The following ERBB4 variants were observed in gnomAD, a reference collection of about 807,000 sequenced individuals.
The protein encoded by ERBB4 is erb-b2 receptor tyrosine kinase 4.
Under a neutral mutation model 158.0 loss-of-function variants are expected in ERBB4, and 42 were observed. That is an observed-to-expected ratio of 0.27 (90% confidence interval 0.21 to 0.34). The LOEUF (loss-of-function observed/expected upper bound fraction) is 0.34. Among genes scored for constraint, ERBB4 ranks in the 10% least tolerant of loss-of-function variants. The pLI is 1.00. For synonymous variants in ERBB4, 583 were observed against 558.7 expected (o/e 1.04, Z -0.61); for missense variants, 1,333 against 1,624.1 (o/e 0.82, Z 3.08).
chr2:211,387,846 C>T, intron 26 of ERBB4, 99 bp downstream of exon 26: 1 of 957,186 alleles, frequency 1.0e-6, no homozygotes, highest in Non-Finnish European at 1.7e-6. Flanking sequence ...TCACTGTTGG[C>T]AAAGGCAAAA....
rs527777954 is a variant in ERBB4 at position 211,381,175 on chromosome 2, G to C, written c.*2440C>G. The C allele has an allele frequency of 1.9e-4, 44 of 232,194 alleles. No homozygotes were observed. The highest frequency in any genetic ancestry group is 9.5e-4 in the African/African-American group (43 of 45,360). The allele number at this position is 232,194 out of a possible 1,614,324, so 14.4% of individuals were successfully genotyped here. A position where few individuals can be genotyped will look rare whatever the true frequency, so the allele number is the denominator to read the frequency against. ...GTTTGAGGGTGAACTTCACTAGAAG[G>C]AATCTCACAAACCCTTCTCCTGCTC... On this transcript the variant is annotated 3_prime_UTR_variant, in exon 28 of 28. Coordinates refer to ENST00000342788, the MANE Select transcript of ERBB4 (RefSeq NM_005235.3).
chr2:211,694,267 A>G (rs972810752), intron 12 of ERBB4, among the ~76,000 whole-genome samples: 1 of 152,166 alleles, frequency 6.6e-6, no homozygotes, highest in Non-Finnish European at 1.5e-5. Context: ...TTTAATAATT[A>G]TAAGTTTTAC....
intron 2 of ERBB4, among the ~76,000 whole-genome samples, chr2:211,987,006 G>C (rs1372837273): frequency 1.3e-5 from 2 of 152,060 alleles, no homozygotes; most frequent in African/African-American, 4.8e-5. Context: ...TAAGATACTA[G>C]TTCCAGTCAT....
chr2:211,383,469 C>T lies in ERBB4; in HGVS notation c.*146G>A, dbSNP rs1016697186. The T allele has an allele frequency of 2.6e-5, 18 of 685,442 alleles. No individual in the cohort carries two copies. The highest frequency in any genetic ancestry group is 4.1e-5 in the Non-Finnish European group (16 of 385,612). 42.5% of individuals were successfully genotyped at this position (685,442 alleles called of 1,614,324 possible). On this transcript the variant is annotated 3_prime_UTR_variant, in exon 28 of 28. Transcript: ENST00000342788. Reference sequence around the variant, plus strand: ...CTCTAATGTTCAAGTTAGGTAAGCACATAACTATCATTGCATCTCTGTATC... The same window carrying T: ...CTCTAATGTTCAAGTTAGGTAAGCATATAACTATCATTGCATCTCTGTATC...
At chr2:211,644,592 T>A (rs538006901) in intron 16 of ERBB4, among the ~76,000 whole-genome samples, 1 of 152,148 alleles carries the variant, frequency 6.6e-6, no homozygotes, top group Non-Finnish European at 1.5e-5. Flanking sequence ...CACATCTACA[T>A]GAAACATTCT....
intron 1 of ERBB4, among the ~76,000 whole-genome samples, chr2:212,329,994 T>C (rs2088055782): frequency 6.6e-6 from 1 of 152,070 alleles, no homozygotes; most frequent in African/African-American, 2.4e-5. Flanking sequence ...GATCAATCTC[T>C]GAAGTTCCAC....
intron 20 of ERBB4, among the ~76,000 whole-genome samples, chr2:211,443,549 C>G (rs2064036764): frequency 6.6e-6 from 1 of 152,008 alleles, no homozygotes. Context: ...TGGTTAATAT[C>G]TCATATGAAA....
intron 1 of ERBB4, among the ~76,000 whole-genome samples, chr2:212,286,788 T>TTTTTTTTTTTTTTC (rs2085999244): frequency 7.4e-6 from 1 of 135,980 alleles, no homozygotes; most frequent in African/African-American, 2.7e-5. Flanking sequence ...TTTTTTTTTT[T>TTTTTTTTTTTTTTC]TTGTAGAGAC....
At chr2:212,488,919 A>G (rs1197794676) in intron 1 of ERBB4, among the ~76,000 whole-genome samples, 1 of 149,354 alleles carries the variant, frequency 6.7e-6, no homozygotes, top group Non-Finnish European at 1.5e-5. Context: ...ACTGGTCAGC[A>G]AGAGAGAGAG....
At chr2:212,155,179 T>A (rs1223665328) in intron 1 of ERBB4, among the ~76,000 whole-genome samples, 3 of 151,486 alleles carry the variant, frequency 2.0e-5, no homozygotes, top group Non-Finnish European at 4.4e-5. Context: ...AAGAAAAAAG[T>A]CTGTCTTTCA....
At chr2:212,041,632 G>A (rs1209565517) in intron 2 of ERBB4, among the ~76,000 whole-genome samples, 3 of 149,756 alleles carry the variant, frequency 2.0e-5, no homozygotes, top group East Asian at 1.9e-4. Context: ...AAATTACCGC[G>A]TTCTTTCAAA....
chr2:212,318,292 GTATT>G (rs759608317), intron 1 of ERBB4, among the ~76,000 whole-genome samples: 6 of 151,446 alleles, frequency 4.0e-5, no homozygotes, highest in Admixed American at 6.6e-5. Flanking sequence ...TAAATTGGAG[GTATT>G]TAAAGTTATC....
At chr2:211,713,462 T>C in intron 8 of ERBB4, 73 bp downstream of exon 8, 1 of 887,572 alleles carries the variant, frequency 1.1e-6, no homozygotes. Flanking sequence ...AAAAAGTTGG[T>C]CTACTTAAAA....
intron 1 of ERBB4, among the ~76,000 whole-genome samples, chr2:212,413,231 C>T (rs2091554101): frequency 1.3e-5 from 2 of 150,780 alleles, no homozygotes; most frequent in African/African-American, 2.4e-5. Flanking sequence ...CGTGATCCGC[C>T]CGACTCGGCC....
At chr2:211,838,535 C>G (rs1175164086) in intron 3 of ERBB4, among the ~76,000 whole-genome samples, 2 of 152,052 alleles carry the variant, frequency 1.3e-5, no homozygotes, top group Non-Finnish European at 2.9e-5. Context: ...AGTTTTTTAA[C>G]CATTCTTTTC....
Position 212,207,431 on chromosome 2 carries a change from T to G in ERBB4, c.83-82528A>C, listed in dbSNP as rs548910394. Among the ~76,000 whole-genome samples the G allele has an allele frequency of 2.0e-5, 3 of 152,336 alleles. No homozygotes were observed. In the South Asian group the frequency reaches 6.2e-4, roughly 32 times the overall value. On this transcript the variant is annotated intron_variant, in intron 1 of 27. Transcript: ENST00000342788. Reference sequence around the variant, plus strand: ...GCATCTGTTTCTATATGATAATATATGACAGAAGGAGAATTAATTTGTCTG... The same window carrying G: ...GCATCTGTTTCTATATGATAATATAGGACAGAAGGAGAATTAATTTGTCTG...
intron 2 of ERBB4, 35 bp downstream of exon 2, chr2:212,124,717 A>T (rs749354762): frequency 3.7e-6 from 6 of 1,613,028 alleles, no homozygotes; most frequent in Middle Eastern, 1.7e-4. Flanking sequence ...GCCACTGTCC[A>T]TTCACAAAGA....
At chr2:212,030,210 A>G (rs1447748254) in intron 2 of ERBB4, among the ~76,000 whole-genome samples, 1 of 152,064 alleles carries the variant, frequency 6.6e-6, no homozygotes, top group East Asian at 1.9e-4. Context: ...TAATCCTTTC[A>G]GTTCTACTTC....
rs575651489 is a variant in ERBB4 at position 212,440,214 on chromosome 2, G to A, written c.82+98235C>T. On this transcript the variant is annotated intron_variant, in intron 1 of 27. Coordinates refer to ENST00000342788, the MANE Select transcript of ERBB4 (RefSeq NM_005235.3). The stretch of plus-strand genomic sequence containing the variant: ...GTCTGTGAGGGTGTTGCCAAAAGAG[G>A]TTAACATTTGATTCAGTGGCCTGGG... Among the ~76,000 whole-genome samples, 27 of 152,258 alleles carry A rather than the reference G, an allele frequency of 1.8e-4. No individual in the cohort carries two copies. The South Asian group carries it at 5.4e-3, about 30-fold the overall frequency.
Sources: gnomAD v4.1 joint callset for allele counts (sites outside exome capture counted in the v4.1 genomes callset) on GRCh38, gnomAD v4.1.1 for gene constraint, MANE v1.5 for transcripts, NCBI Gene and HGNC (gene_info 2026-07-23, HGNC 2026-07-21) for gene names.